The following UTP14A variants were observed in gnomAD, a reference collection of about 807,000 sequenced individuals.
The protein encoded by UTP14A is U3 small nucleolar RNA-associated protein 14 homolog A.
Under a neutral mutation model 57.2 loss-of-function variants are expected in UTP14A, and 5 were observed. The ratio of observed to expected loss-of-function variants is 0.09; its 90% CI spans 0.05 to 0.18. The LOEUF (loss-of-function observed/expected upper bound fraction) is 0.18, where lower values mean the gene tolerates loss of function less well. Among genes scored for constraint, UTP14A ranks in the 10% least tolerant of loss-of-function variants. UTP14A has a pLI of 1.00. For synonymous variants in UTP14A, 169 were observed against 210.9 expected, an observed-to-expected ratio of 0.80 and a Z score of 1.72; for missense variants, 430 against 562.1, an observed-to-expected ratio of 0.76 and a Z score of 2.38.
intron 10 of UTP14A, 82 bp downstream of exon 10, chrX:129,920,834 G>A: frequency 8.3e-7 from 1 of 1,198,123 alleles, no homozygotes; most frequent in Non-Finnish European, 1.1e-6. Flanking sequence ...CATGAGGATG[G>A]ATGGAAAACC....
At position 129,919,381 on chromosome X, in the gene UTP14A, C is replaced by G; in HGVS notation, c.658-14C>G. On this transcript the variant is annotated splice_polypyrimidine_tract_variant and intron_variant, in intron 7 of 14. Transcript: ENST00000394422. ...CTCTGGCCCAGGTGTCACTGTAAGT[C>G]TCATTTGTTGTAGGCAAAGATGCGA... The G allele has an allele frequency of 5.0e-6, 6 of 1,211,618 alleles. No individual in the cohort carries two copies. Among genetic ancestry groups the G allele is most frequent in the Non-Finnish European group, 6.7e-6 (6 of 895,422 alleles).
rs769991239 is a variant in UTP14A, at chrX:129,919,477, T to A, written c.740T>A (p.Ile247Asn). The change falls in exon 8 of 15, where the codon ATC becomes AAC. Residue 247 changes from isoleucine (I) to asparagine (N), a missense_variant. This residue lies in a region of UTP14A where 83 missense variants were observed against 140.4 expected (regional missense o/e 0.59). Transcript: ENST00000394422. ...YEAKARREKK[I>N]KSKKYHKVVK... ...GCCAAGGCTCGAAGAGAGAAGAAAATCAAAAGTAAAAAGTAAGGAGGCCCC... is the reference window on the plus strand; with the variant it reads ...GCCAAGGCTCGAAGAGAGAAGAAAAACAAAAGTAAAAAGTAAGGAGGCCCC... 1.7e-6 allele frequency: 2 copies of A among 1,210,627 alleles called. No homozygotes were observed. The highest frequency in any genetic ancestry group is 3.5e-5 in the South Asian group (2 of 56,929).
chrX:129,924,574 C>T (rs1314785715), intron 11 of UTP14A, among the ~76,000 whole-genome samples: 3 of 111,003 alleles, frequency 2.7e-5, no homozygotes, highest in African/African-American at 9.8e-5. Context: ...TGTGAGCCAC[C>T]GCACCTGGCC....
intron 14 of UTP14A, 59 bp downstream of exon 14, chrX:129,926,398 A>AG: frequency 9.7e-7 from 1 of 1,032,492 alleles, no homozygotes; most frequent in African/African-American, 1.8e-5. Context: ...CTCTTGCTTG[A>AG]GAGGAGTATT....
chrX:129,911,243 G>A lies in UTP14A; in HGVS notation c.381+93G>A, dbSNP rs935364552. 2.8e-5 allele frequency: 29 copies of A among 1,028,399 alleles called. No homozygotes were observed. In the African/African-American group the frequency reaches 4.4e-4, roughly 16 times the overall value. 84.8% of individuals were successfully genotyped at this position (1,028,399 alleles called of 1,213,427 possible). ...GAAAGAAGGGAAAGACCTGAAAAAT[G>A]GGAGAAGGGGGAGTTGTGATTTCCC... On this transcript the variant is annotated intron_variant, in intron 5 of 14. Transcript: ENST00000394422.
At chrX:129,920,162 C>T (rs772595627) in intron 8 of UTP14A, among the ~76,000 whole-genome samples, 4 of 110,169 alleles carry the variant, frequency 3.6e-5, no homozygotes, top group Non-Finnish European at 5.7e-5. Context: ...GCACTCCAGC[C>T]TGAGTGACAG....
At chrX:129,908,278 T>G (rs1929330166) in intron 3 of UTP14A, 148 bp downstream of exon 3, 1 of 476,123 alleles carries the variant, frequency 2.1e-6, no homozygotes, top group Non-Finnish European at 3.5e-6. Flanking sequence ...TAGCTGTTAT[T>G]AGTCTTAGTG....
chrX:129,912,331 G>A (rs1389490012), intron 6 of UTP14A, among the ~76,000 whole-genome samples: 1 of 108,217 alleles, frequency 9.2e-6, no homozygotes, highest in Admixed American at 1.0e-4. Context: ...ATGTTGGCCA[G>A]GCTGATCTCA....
intron 11 of UTP14A, chrX:129,922,538 C>A (rs1603016012): frequency 9.0e-6 from 1 of 111,215 alleles, no homozygotes; most frequent in East Asian, 2.8e-4. Flanking sequence ...ATCCTCTTGG[C>A]TCAGCCTCCC....
At chrX:129,910,482 T>A (rs1929425450) in intron 4 of UTP14A, among the ~76,000 whole-genome samples, 1 of 111,336 alleles carries the variant, frequency 9.0e-6, no homozygotes, top group Admixed American at 9.6e-5. Flanking sequence ...CCCAGCCATT[T>A]GAGGCTGGCC....
At chrX:129,906,356 A>G in intron 1 of UTP14A, 120 bp downstream of exon 1, 1 of 681,594 alleles carries the variant, frequency 1.5e-6, no homozygotes, top group South Asian at 2.6e-5. Flanking sequence ...AGAGCTGGCC[A>G]TTCGTTCCTA....
intron 6 of UTP14A, among the ~76,000 whole-genome samples, chrX:129,912,655 C>T (rs373700738): frequency 9.0e-6 from 1 of 110,948 alleles, no homozygotes; most frequent in Admixed American, 9.8e-5. Context: ...TTTGCTTGTA[C>T]AGGAATACCG....
chrX:129,921,067 C>T, intron 10 of UTP14A, 127 bp from the exon 11 acceptor site: 1 of 1,103,361 alleles, frequency 9.1e-7, no homozygotes, highest in South Asian at 2.2e-5. Flanking sequence ...GCAGTTTAAA[C>T]AGTAGGTACC....
intron 5 of UTP14A, among the ~76,000 whole-genome samples, 187 bp downstream of exon 5, chrX:129,911,337 C>G (rs1218734797): frequency 9.0e-6 from 1 of 110,767 alleles, no homozygotes; most frequent in Non-Finnish European, 1.9e-5. Flanking sequence ...AATCCCAGCA[C>G]TTTGGGAGGC....
At chrX:129,915,542 A>AAG (rs1929657602) in intron 6 of UTP14A, among the ~76,000 whole-genome samples, 1 of 110,153 alleles carries the variant, frequency 9.1e-6, no homozygotes, top group African/African-American at 3.3e-5. Flanking sequence ...AAAAAAAAAA[A>AAG]AGGCTATGAA....
At chrX:129,929,128 C>T (rs1279616434) in intron 14 of UTP14A, among the ~76,000 whole-genome samples, 1 of 111,657 alleles carries the variant, frequency 9.0e-6, no homozygotes, top group Middle Eastern at 4.7e-3. Context: ...CCAACTCAGG[C>T]CCCCCTACTC....
chrX:129,920,629 T>C lies in UTP14A; in HGVS notation c.877-46T>C, dbSNP rs371058935. ...CCCACCCCTTTGAACCAGCTTTCCT[T>C]GGAAGGCACTAAAGATGTAAATCTC... On this transcript the variant is annotated intron_variant, in intron 9 of 14. Coordinates refer to ENST00000394422, the MANE Select transcript of UTP14A (RefSeq NM_006649.4). The C allele has an allele frequency of 1.1e-5, 13 of 1,175,708 alleles. No individual in the cohort carries two copies. The African/African-American group carries it at 1.5e-4, about 13-fold the overall frequency.
chrX:129,915,407 C>G (rs756225673), intron 6 of UTP14A, among the ~76,000 whole-genome samples: 1,156 of 107,992 alleles, frequency 0.011, 15 homozygotes, highest in African/African-American at 0.037. Flanking sequence ...CGCCTATAGT[C>G]CCAGCTACTT....
At position 129,915,621 on chromosome X, in the gene UTP14A, A is replaced by C. The variant is rs185978506; in HGVS notation, c.538-3554A>C. On this transcript the variant is annotated intron_variant, in intron 6 of 14. Transcript: ENST00000394422. ...TACAAACTGATTTTATTAAAATTTC[A>C]AAAAAATTGAATTTTAAGCTTTTAA... 8.3e-4 allele frequency among the ~76,000 whole-genome samples: 92 copies of C among 111,142 alleles called. 1 individual carries two copies. Among genetic ancestry groups the C allele is most frequent in the African/African-American group, 2.9e-3 (89 of 30,585 alleles).
Sources: allele counts gnomAD v4.1 joint callset (sites outside exome capture counted in the v4.1 genomes callset), GRCh38; gene constraint gnomAD v4.1.1; regional missense constraint gnomAD v4.1.1; transcripts MANE v1.5; gene names NCBI Gene and HGNC (gene_info 2026-07-23, HGNC 2026-07-21).